PURG: variants seen among roughly 807,000 people sequenced by gnomAD.
PURG encodes the protein purine rich element binding protein G.
Under a neutral mutation model 24.3 loss-of-function variants are expected in PURG, and 3 were observed. That is an observed-to-expected ratio of 0.12 (90% confidence interval 0.06 to 0.32). The LOEUF is 0.32. PURG is among the 10% of genes least tolerant of loss of function. The pLI, the probability that PURG is intolerant of heterozygous loss-of-function variation, is 1.00. For missense variants in PURG, 371 were observed against 439.1 expected (o/e 0.84, Z 1.39); for synonymous variants, 180 against 173.1 (o/e 1.04, Z -0.31).
intron 1 of PURG, among the ~76,000 whole-genome samples, chr8:31,005,078 A>G (rs1294212559): frequency 6.6e-6 from 1 of 152,242 alleles, no homozygotes; most frequent in Non-Finnish European, 1.5e-5. Flanking sequence ...CTCTACTGAC[A>G]GACTCAAAAA....
chr8:31,026,822 A>C (rs1811098826), downstream of PURG, among the ~76,000 whole-genome samples: 1 of 151,346 alleles, frequency 6.6e-6, no homozygotes, highest in South Asian at 2.1e-4. Flanking sequence ...AAATCTCATT[A>C]CCAAAATAAA....
At chr8:30,996,494 G>C (rs912236075) in exon 2 of PURG, 1 of 790,914 alleles carries the variant, frequency 1.3e-6, no homozygotes, top group Admixed American at 2.5e-5. Flanking sequence ...CTTCCGTGGA[G>C]GAATGTCAAG....
chr8:30,996,402 G>A (rs905455158), exon 2 of PURG: 5 of 444,810 alleles, frequency 1.1e-5, no homozygotes, highest in Admixed American at 7.8e-5. Context: ...GGATAGAGTC[G>A]AAAGGTACTT....
rs745356896 is a variant in PURG, at chr8:31,032,740, G to A, written c.43C>T (p.Arg15Cys). 7 of 1,439,804 alleles carry A rather than the reference G, an allele frequency of 4.9e-6. No homozygotes were observed. Among genetic ancestry groups the A allele is most frequent in the Non-Finnish European group, 6.4e-6 (7 of 1,093,550 alleles). The allele number at this position is 1,439,804 out of a possible 1,614,324, so 89.2% of individuals were successfully genotyped here. A position where few individuals can be genotyped will look rare whatever the true frequency, so the allele number is the denominator to read the frequency against. The change falls in exon 2 of 2, where the codon CGC becomes TGC. Residue 15 changes from arginine (R) to cysteine (C), a missense_variant. Arg to Cys is a radical substitution (Grantham distance 180). Around this residue, in one of 5 missense-constraint regions of PURG, gnomAD observed 213 missense variants for 230.6 expected, o/e 0.92. Coordinates refer to ENST00000523392, the MANE Select transcript of PURG (RefSeq NM_001323311.2). The surrounding 1 kb of genome is among the most constrained non-coding windows in gnomAD (Gnocchi z 5.9). The part of the protein sequence containing the change: ...RRRGGGGGRG[R>C]GGKNVGGSGL... ...GAGCCCCCTACATTCTTGCCTCCGC[G>A]GCCGCGGCCGCCGCCGCCTCCCCTT...
chr8:31,014,713 T>C (rs1218997339), intron 1 of PURG, among the ~76,000 whole-genome samples: 4 of 152,252 alleles, frequency 2.6e-5, no homozygotes, highest in Non-Finnish European at 4.4e-5. Context: ...ACTTACGTTA[T>C]AAAGTGTTAT....
chr8:30,999,860 T>C (rs1232650504), intron 1 of PURG, among the ~76,000 whole-genome samples: 1 of 152,020 alleles, frequency 6.6e-6, no homozygotes, highest in Non-Finnish European at 1.5e-5. Context: ...CAAATCCAAA[T>C]ACTATATAGT....
At chr8:30,999,536 A>C (rs1810495050) in intron 1 of PURG, among the ~76,000 whole-genome samples, 1 of 151,972 alleles carries the variant, frequency 6.6e-6, no homozygotes, top group African/African-American at 2.4e-5. Flanking sequence ...TGCTAGTCTT[A>C]AAATTGGGTT....
chr8:31,025,228 A>T (rs140456961), intron 1 of PURG, among the ~76,000 whole-genome samples: 1 of 152,018 alleles, frequency 6.6e-6, no homozygotes, highest in African/African-American at 2.4e-5. Context: ...AAGCTCTTCA[A>T]TTAAGGATGG....
chr8:31,018,609 C>A (rs1189762487), intron 1 of PURG, among the ~76,000 whole-genome samples: 4 of 152,070 alleles, frequency 2.6e-5, no homozygotes, highest in Non-Finnish European at 5.9e-5. Context: ...AGTTACATTG[C>A]CTGTAATGAT....
chr8:31,004,677 A>C (rs1481210868), intron 1 of PURG, among the ~76,000 whole-genome samples: 1 of 152,208 alleles, frequency 6.6e-6, no homozygotes, highest in African/African-American at 2.4e-5. Flanking sequence ...TGTCTCAAAA[A>C]AAAACAAAAC....
chr8:31,020,284 TTC>T (rs1193968404), intron 1 of PURG, among the ~76,000 whole-genome samples: 3 of 152,216 alleles, frequency 2.0e-5, no homozygotes, highest in Admixed American at 6.5e-5. Context: ...AGCCTTTAAA[TTC>T]TGTTTACTTA....
At chr8:30,998,634 T>C (rs1481814736) in intron 1 of PURG, among the ~76,000 whole-genome samples, 1 of 151,828 alleles carries the variant, frequency 6.6e-6, no homozygotes, top group African/African-American at 2.4e-5. Context: ...TGAATGTCGA[T>C]TCTGAATTCA....
chr8:31,008,277 A>G (rs1316007644), intron 1 of PURG, among the ~76,000 whole-genome samples: 7 of 152,204 alleles, frequency 4.6e-5, no homozygotes, highest in Non-Finnish European at 1.0e-4. Context: ...TTTCGTTAAC[A>G]GCCTTATGTA....
chr8:31,012,855 A>C (rs774736560), intron 1 of PURG, among the ~76,000 whole-genome samples: 3 of 152,258 alleles, frequency 2.0e-5, no homozygotes, highest in Middle Eastern at 3.2e-3. Flanking sequence ...TTTCTGAATG[A>C]TTGAAATAGT....
intron 1 of PURG, among the ~76,000 whole-genome samples, chr8:31,022,763 A>G (rs578148702): frequency 8.7e-4 from 133 of 152,338 alleles, no homozygotes; most frequent in African/African-American, 3.1e-3. Flanking sequence ...ATTTTGTTCT[A>G]TTGACATTCT....
In PURG at chr8:31,032,066, C is replaced by T; in HGVS notation, c.717G>A (p.Leu239=). 6.2e-7 allele frequency: 1 copy of T among 1,614,210 alleles called. No homozygotes were observed. The highest frequency in any genetic ancestry group is 8.5e-7 in the Non-Finnish European group (1 of 1,180,038). Residue 239 remains leucine (L), a synonymous_variant, in exon 2 of 2, where the codon CTG becomes CTA. Transcript: ENST00000523392. This position sits in a 1 kb window ranked among gnomAD's most constrained non-coding sequence, Gnocchi z 5.9. ...TGTCTCCTTCGCCATAGTCTTCAATCAGCTGAACCAAGGCATCACGAAACT... is the reference window on the plus strand; with the variant it reads ...TGTCTCCTTCGCCATAGTCTTCAATTAGCTGAACCAAGGCATCACGAAACT... The part of the protein sequence containing the change: ...MIEFRDALVQ[L]IEDYGEGDIE...
intron 1 of PURG, among the ~76,000 whole-genome samples, chr8:31,023,099 C>G (rs1811027394): frequency 6.6e-6 from 1 of 152,104 alleles, no homozygotes; most frequent in African/African-American, 2.4e-5. Flanking sequence ...TCAAACACCA[C>G]TGAAAAAGAA....
downstream of PURG, among the ~76,000 whole-genome samples, chr8:31,029,596 T>C (rs1175020755): frequency 6.6e-6 from 1 of 151,872 alleles, no homozygotes; most frequent in East Asian, 1.9e-4. Context: ...ACCTAATGGA[T>C]ATAAATATTT....
chr8:31,004,397 A>G (rs1810602068), intron 1 of PURG, among the ~76,000 whole-genome samples: 1 of 152,210 alleles, frequency 6.6e-6, no homozygotes, highest in Non-Finnish European at 1.5e-5. Context: ...TGGAGATACT[A>G]CAAGAAAAAT....
Sources: allele counts gnomAD v4.1 joint callset (sites outside exome capture counted in the v4.1 genomes callset), GRCh38; gene constraint gnomAD v4.1.1; regional missense constraint gnomAD v4.1.1; non-coding constraint Gnocchi (gnomAD v3.1); transcripts MANE v1.5; gene names NCBI Gene and HGNC (gene_info 2026-07-23, HGNC 2026-07-21).